REDIC1: variants seen among roughly 807,000 people sequenced by gnomAD.
The protein encoded by REDIC1 is regulator of DNA class I crossover intermediates 1.
the REDIC1 span, among the ~76,000 whole-genome samples, chr12:39,900,580 T>C: frequency 9.9e-5 from 15 of 151,978 alleles, no homozygotes; most frequent in East Asian, 1.9e-4. Flanking sequence ...AGTGAACTCC[T>C]ATTCACAATT....
chr12:39,676,787 T>C, the REDIC1 span, among the ~76,000 whole-genome samples: 5 of 152,146 alleles, frequency 3.3e-5, no homozygotes, highest in African/African-American at 9.7e-5. Flanking sequence ...CCAGAAGGAA[T>C]TGGGATCCTA....
At chr12:39,836,275 T>A in the REDIC1 span, among the ~76,000 whole-genome samples, 1 of 152,122 alleles carries the variant, frequency 6.6e-6, no homozygotes, top group Non-Finnish European at 1.5e-5. Flanking sequence ...CTGGGGGAAC[T>A]GAATGCAGAT....
chr12:39,779,475 C>G, the REDIC1 span, among the ~76,000 whole-genome samples: 2 of 152,150 alleles, frequency 1.3e-5, no homozygotes, highest in African/African-American at 4.8e-5. Flanking sequence ...TACCTATTAT[C>G]TTCCCTTTTC....
chr12:39,868,742 A>G, the REDIC1 span, among the ~76,000 whole-genome samples: 3 of 152,218 alleles, frequency 2.0e-5, no homozygotes, highest in African/African-American at 7.2e-5. Flanking sequence ...AGAATTTGTC[A>G]TTAAATTTGT....
At chr12:39,907,530 C>T in the REDIC1 span, 1 of 152,092 alleles carries the variant, frequency 6.6e-6, no homozygotes, top group African/African-American at 2.4e-5. Context: ...ATATATACTA[C>T]TAATATAGAA....
the REDIC1 span, among the ~76,000 whole-genome samples, chr12:39,754,507 C>A: frequency 1.3e-5 from 2 of 152,086 alleles, no homozygotes; most frequent in African/African-American, 2.4e-5. Context: ...CTAAGTCAGG[C>A]TCAGGAAGAC....
chr12:39,888,220 A>T, the REDIC1 span, among the ~76,000 whole-genome samples: 1 of 151,954 alleles, frequency 6.6e-6, no homozygotes, highest in Non-Finnish European at 1.5e-5. Context: ...GTTTTTATTT[A>T]TATTTATTTA....
the REDIC1 span, chr12:39,683,523 T>A: frequency 1.4e-6 from 2 of 1,420,486 alleles, no homozygotes; most frequent in East Asian, 4.6e-5. Flanking sequence ...CAAATCAGGA[T>A]CTAGTATGAT....
the REDIC1 span, among the ~76,000 whole-genome samples, chr12:39,704,026 G>A: frequency 6.6e-6 from 1 of 152,006 alleles, no homozygotes; most frequent in African/African-American, 2.4e-5. Flanking sequence ...GCAAGGTCAT[G>A]TCTAAAACAC....
At chr12:39,696,922 A>G in the REDIC1 span, among the ~76,000 whole-genome samples, 1 of 152,224 alleles carries the variant, frequency 6.6e-6, no homozygotes, top group Non-Finnish European at 1.5e-5. Context: ...GTATGCCTAC[A>G]GGATCTAGAA....
the REDIC1 span, among the ~76,000 whole-genome samples, chr12:39,838,411 C>A: frequency 3.0e-4 from 42 of 141,146 alleles, no homozygotes; most frequent in Admixed American, 7.2e-4. Flanking sequence ...TTAGTGGGTG[C>A]AGCGCACCAG....
At chr12:39,760,622 G>A in the REDIC1 span, among the ~76,000 whole-genome samples, 2 of 151,966 alleles carry the variant, frequency 1.3e-5, no homozygotes, top group South Asian at 2.1e-4. Context: ...GTACACACAC[G>A]TATGCTTGCC....
At chr12:39,834,981 A>AT in the REDIC1 span, among the ~76,000 whole-genome samples, 2 of 152,072 alleles carry the variant, frequency 1.3e-5, no homozygotes, top group South Asian at 2.1e-4. Context: ...TGGCTATTAC[A>AT]TTTTTCACTC....
chr12:39,716,117 C>G, the REDIC1 span, among the ~76,000 whole-genome samples: 1 of 151,860 alleles, frequency 6.6e-6, no homozygotes, highest in African/African-American at 2.4e-5. Flanking sequence ...GTTTCATGTT[C>G]TGCAGCCTTT....
the REDIC1 span, among the ~76,000 whole-genome samples, chr12:39,811,614 T>G: frequency 6.6e-6 from 1 of 152,180 alleles, no homozygotes; most frequent in African/African-American, 2.4e-5. Context: ...TTTAGTAATT[T>G]TTGTGAAAAT....
At chr12:39,885,481 T>G in the REDIC1 span, among the ~76,000 whole-genome samples, 2 of 152,170 alleles carry the variant, frequency 1.3e-5, no homozygotes, top group African/African-American at 4.8e-5. Flanking sequence ...TTCTACAATG[T>G]GGATGAAGCA....
the REDIC1 span, among the ~76,000 whole-genome samples, chr12:39,841,262 T>C: frequency 1.3e-5 from 2 of 152,166 alleles, no homozygotes; most frequent in African/African-American, 4.8e-5. Flanking sequence ...GAATGGTTTT[T>C]CTTTGCTTTT....
At chr12:39,842,207 A>T in the REDIC1 span, among the ~76,000 whole-genome samples, 1 of 152,068 alleles carries the variant, frequency 6.6e-6, no homozygotes, top group Admixed American at 6.6e-5. Context: ...ATAAGCTAAA[A>T]CTAAAAGTAG....
At chr12:39,650,210 T>G in the REDIC1 span, 1 of 1,535,456 alleles carries the variant, frequency 6.5e-7, no homozygotes, top group African/African-American at 1.4e-5. The surrounding 1 kb of genome is among the most constrained non-coding windows in gnomAD (Gnocchi z 4.3). Flanking sequence ...TTTACTATTT[T>G]GGCAGTTTCT....
Sources: allele counts gnomAD v4.1 joint callset (sites outside exome capture counted in the v4.1 genomes callset), GRCh38; gene constraint gnomAD v4.1.1; non-coding constraint Gnocchi (gnomAD v3.1); transcripts MANE v1.5; gene names NCBI Gene and HGNC (gene_info 2026-07-23, HGNC 2026-07-21).